The following CPZ variants were observed in gnomAD, a reference collection of about 807,000 sequenced individuals.
CPZ encodes VEZT/CPZ fusion.
Under a neutral mutation model 61.8 loss-of-function variants are expected in CPZ, and 103 were observed. The ratio of observed to expected loss-of-function variants is 1.67; its 90% CI spans 1.42 to 1.96. The LOEUF (loss-of-function observed/expected upper bound fraction) is 1.96, where lower values mean the gene tolerates loss of function less well. Ranked by LOEUF, CPZ falls within the 30% of genes most tolerant of loss-of-function variation. The probability of loss-of-function intolerance (pLI) is 0.00; values close to 1 mark genes in which losing one functional copy is unlikely to be tolerated. For synonymous variants in CPZ, 551 were observed against 373.7 expected (o/e 1.47, Z -5.47); for missense variants, 1,461 against 914.9 (o/e 1.60, Z -7.70).
chr4:8,607,983 C>T (rs1440285816), intron 7 of CPZ, among the ~76,000 whole-genome samples: 1 of 152,190 alleles, frequency 6.6e-6, no homozygotes, highest in Non-Finnish European at 1.5e-5. Context: ...GAGCAGCGGG[C>T]GATGAGACCC....
intron 7 of CPZ, among the ~76,000 whole-genome samples, chr4:8,608,913 C>G (rs562828786): frequency 6.6e-6 from 1 of 152,188 alleles, no homozygotes; most frequent in Non-Finnish European, 1.5e-5. Flanking sequence ...GCTGAGCACT[C>G]TGCAGACCAG....
intron 5 of CPZ, 112 bp from the exon 6 acceptor site, chr4:8,606,625 G>C: frequency 7.3e-7 from 1 of 1,368,694 alleles, no homozygotes; most frequent in South Asian, 1.3e-5. Flanking sequence ...ACATAAAGCC[G>C]GGGGAAACCG....
chr4:8,617,207 C>T (rs1438931074), intron 9 of CPZ, among the ~76,000 whole-genome samples: 1 of 152,216 alleles, frequency 6.6e-6, no homozygotes, highest in Non-Finnish European at 1.5e-5. Flanking sequence ...AGTTCACATG[C>T]TTGCTGAAAT....
chr4:8,618,431 G>A lies in CPZ; in HGVS notation c.1506G>A (p.Val502=), dbSNP rs1716388163. ...TGGCCTCCCCTTGGTCTCTTCAGGT[G>A]CACCGGGGCATCAAAGGTGTGGTGA... The part of the protein sequence containing the change: ...KESLLNFVET[V]HRGIKGVVTD... The change falls in exon 10 of 11, where the codon GTG becomes GTA. Residue 502 remains valine, a splice_region_variant and synonymous_variant. Coordinates refer to ENST00000360986, the MANE Select transcript of CPZ (RefSeq NM_001014447.3). 19 of 1,614,100 alleles carry A rather than the reference G, an allele frequency of 1.2e-5. No individual in the cohort carries two copies. Among genetic ancestry groups the A allele is most frequent in the Non-Finnish European group, 1.4e-5 (17 of 1,179,988 alleles).
At chr4:8,615,527 G>A (rs1716090159) in intron 9 of CPZ, among the ~76,000 whole-genome samples, 1 of 152,226 alleles carries the variant, frequency 6.6e-6, no homozygotes, top group East Asian at 1.9e-4. Context: ...AGAGGTGAGG[G>A]CGCAGCACCG....
intron 9 of CPZ, among the ~76,000 whole-genome samples, chr4:8,617,864 G>A (rs889227927): frequency 6.6e-6 from 1 of 152,184 alleles, no homozygotes; most frequent in Non-Finnish European, 1.5e-5. Flanking sequence ...GCTTTCCAGG[G>A]TGAAAACGTT....
intron 9 of CPZ, among the ~76,000 whole-genome samples, chr4:8,615,769 C>A (rs1010821628): frequency 2.0e-5 from 3 of 152,208 alleles, no homozygotes; most frequent in African/African-American, 7.2e-5. Context: ...TTCCCAAGCC[C>A]TCTGTCCATG....
Position 8,619,494 on chromosome 4 carries a change from G to A in CPZ, c.1836G>A (p.Glu612=), listed in dbSNP as rs560721385. 1.7e-5 allele frequency: 27 copies of A among 1,607,510 alleles called. No homozygotes were observed. The highest frequency in any genetic ancestry group is 2.2e-5 in the South Asian group (2 of 90,412). The change falls in exon 11 of 11, where the codon GAG becomes GAA. Residue 612 remains glutamate (E), a synonymous_variant. Transcript: ENST00000360986. ...DPLGGASSLG[E]ATEPDPLRAR... ...TGGGAGGTGCCAGCTCTTTGGGGGA[G>A]GCCACGGAGCCCGACCCGCTCCGGG...
chr4:8,605,989 T>C lies in CPZ; in HGVS notation c.710T>C (p.Met237Thr). 5 of 1,611,752 alleles carry C rather than the reference T, an allele frequency of 3.1e-6. No individual in the cohort carries two copies. The highest frequency in any genetic ancestry group is 4.2e-6 in the Non-Finnish European group (5 of 1,177,936). Residue 237 changes from methionine (M) to threonine (T), a missense_variant and splice_region_variant, in exon 5 of 11, where the codon ATG (methionine) becomes ACG (threonine). Coordinates refer to ENST00000360986, the MANE Select transcript of CPZ (RefSeq NM_001014447.3). The stretch of plus-strand genomic sequence containing the variant: ...CCCAAGTCTCTGTATTTGCCCCCAG[T>C]GGAGCCCGAGGTGAAGCTCATCGGC... ...FSSRPGQHEL[M>T]EPEVKLIGNI... is the part of the protein sequence containing the mutation.
intron 7 of CPZ, among the ~76,000 whole-genome samples, chr4:8,610,540 AC>A (rs935517489): frequency 1.3e-5 from 2 of 151,788 alleles, no homozygotes; most frequent in East Asian, 1.9e-4. Context: ...CCACCCTCCT[AC>A]CCCCCGAGGC....
At chr4:8,616,910 C>T (rs528201143) in intron 9 of CPZ, among the ~76,000 whole-genome samples, 91 of 152,292 alleles carry the variant, frequency 6.0e-4, no homozygotes, top group African/African-American at 2.1e-3. Context: ...GGCTGTCAGT[C>T]CCTCTCCATC....
In CPZ at chr4:8,614,464, A is replaced by C. The variant is rs1458729131; in HGVS notation, c.1469A>C (p.His490Pro). The change falls in exon 9 of 11, where the codon CAC becomes CCC. Residue 490 changes from histidine (H) to proline (P), a missense_variant. Coordinates refer to ENST00000360986, the MANE Select transcript of CPZ (RefSeq NM_001014447.3). ...GAGGCCCTGTACATACTCTGGCAGC[A>C]CAACAAGGAGTCACTCCTGAATTTC... ...PEEALYILWQ[H>P]NKESLLNFVE... is the part of the protein sequence containing the mutation. 3 of 1,613,416 alleles carry C rather than the reference A, an allele frequency of 1.9e-6. No individual in the cohort carries two copies. The African/African-American group carries it at 4.0e-5, about 22-fold the overall frequency.
intron 7 of CPZ, among the ~76,000 whole-genome samples, chr4:8,609,074 A>ATTCACTCC (rs1560297765): frequency 1.1e-4 from 2 of 18,758 alleles, no homozygotes; most frequent in African/African-American, 3.1e-4. Context: ...CTCACTCACC[A>ATTCACTCC]CTCATACATT....
At chr4:8,602,940 G>A (rs1379167306) in intron 3 of CPZ, 3 of 152,416 alleles carry the variant, frequency 2.0e-5, no homozygotes, top group East Asian at 3.9e-4. Flanking sequence ...GGAGCCGTCT[G>A]TCTGCAGAGC....
intron 9 of CPZ, among the ~76,000 whole-genome samples, chr4:8,617,362 C>A (rs961742640): frequency 1.3e-5 from 2 of 152,286 alleles, no homozygotes; most frequent in South Asian, 4.1e-4. Flanking sequence ...AAAACCAGCC[C>A]CTCTCGGGCT....
chr4:8,600,346 G>A (rs1055228232), intron 2 of CPZ, among the ~76,000 whole-genome samples: 2 of 152,182 alleles, frequency 1.3e-5, no homozygotes, highest in Admixed American at 6.5e-5. Flanking sequence ...GACATGAGAC[G>A]TGGCAAAATG....
intron 8 of CPZ, among the ~76,000 whole-genome samples, chr4:8,613,747 G>A (rs1715916178): frequency 6.6e-6 from 1 of 152,378 alleles, no homozygotes; most frequent in Admixed American, 6.5e-5. Context: ...GACCCAGCTT[G>A]CTCTGAGGCC....
At chr4:8,612,205 G>GC in intron 8 of CPZ, 43 bp downstream of exon 8, 1 of 202,856 alleles carries the variant, frequency 4.9e-6, no homozygotes. Context: ...GGTGGGGGGT[G>GC]CAGGGGCTGG....
At chr4:8,609,688 G>A (rs1194857830) in intron 7 of CPZ, among the ~76,000 whole-genome samples, 1 of 152,242 alleles carries the variant, frequency 6.6e-6, no homozygotes, top group Non-Finnish European at 1.5e-5. Flanking sequence ...GTGTGTCTCA[G>A]CCTCAGAACC....
Sources: gnomAD v4.1 joint callset for allele counts (sites outside exome capture counted in the v4.1 genomes callset) on GRCh38, gnomAD v4.1.1 for gene constraint, MANE v1.5 for transcripts, NCBI Gene and HGNC (gene_info 2026-07-23, HGNC 2026-07-21) for gene names.